Variants in STK4 observed in about 807,000 individuals in gnomAD.
STK4 encodes serine/threonine-protein kinase 4.
In STK4, 30 loss-of-function variants were observed where a neutral mutation model predicts 64.9. That is an observed-to-expected ratio of 0.46 (90% CI 0.35 to 0.63). The LOEUF is 0.63. Ranked by LOEUF, STK4 falls within the 20% of genes least tolerant of loss-of-function variation. The pLI, the probability that STK4 is intolerant of heterozygous loss-of-function variation, is 0.01. For missense variants in STK4, 466 were observed against 598.5 expected (o/e 0.78, Z 2.31); for synonymous variants, 177 against 199.0 (o/e 0.89, Z 0.93).
chr20:44,990,518 G>A (rs1303892873), intron 5 of STK4, among the ~76,000 whole-genome samples: 1 of 151,958 alleles, frequency 6.6e-6, no homozygotes, highest in Non-Finnish European at 1.5e-5. Context: ...TGGCTGTTTG[G>A]TTGTGAAACC....
intron 5 of STK4, among the ~76,000 whole-genome samples, chr20:44,991,048 G>C (rs1203740364): frequency 6.6e-6 from 1 of 151,902 alleles, no homozygotes; most frequent in Non-Finnish European, 1.5e-5. Context: ...TTTCCCCTTT[G>C]TTTTTTTATT....
intron 9 of STK4, among the ~76,000 whole-genome samples, chr20:45,006,080 G>T (rs1379832592): frequency 5.3e-5 from 8 of 150,222 alleles, no homozygotes; most frequent in African/African-American, 1.7e-4. Context: ...CTCTATGTTG[G>T]ATTTTTTTTT....
chr20:45,017,482 G>A (rs968519602), intron 9 of STK4, among the ~76,000 whole-genome samples: 2 of 152,178 alleles, frequency 1.3e-5, no homozygotes, highest in African/African-American at 4.8e-5. Context: ...TTACAGGCAG[G>A]TGCAAAGTCA....
rs2067838229 is a variant in STK4, at chr20:45,001,353, A to G, written c.1147A>G (p.Arg383Gly). Residue 383 changes from arginine to glycine, a missense_variant and splice_region_variant, in exon 9 of 11, where the codon AGA becomes GGA. Coordinates refer to ENST00000372806, the MANE Select transcript of STK4 (RefSeq NM_006282.5). ...EDEEEEGTMKRRDETMQPAKP... is the reference protein window; with the variant it reads ...EDEEEEGTMKGRDETMQPAKP... ...TGAGGAAGAGGAAGGAACTATGAAA[A>G]GTAAGGCTCTGAGTAAATTCACTGA... The G allele has an allele frequency of 2.5e-6, 4 of 1,605,562 alleles. No individual in the cohort carries two copies. The highest frequency in any genetic ancestry group is 3.4e-6 in the Non-Finnish European group (4 of 1,172,978).
rs71197599 is a variant in STK4 at position 45,062,989 on chromosome 20, CTTTTTTTTTTTTTTTTTTT to C, written c.1306-12017_1306-11999del. On this transcript the variant is annotated intron_variant, in intron 10 of 10. Coordinates refer to ENST00000372806, the MANE Select transcript of STK4 (RefSeq NM_006282.5). ...ACAGGTGTGAGCCACCGCACCCGGC[CTTTTTTTTTTTTTTTTTTT>C]TTTTTTTTTTTGGACACAGGGTCTT... 9.5e-5 allele frequency among the ~76,000 whole-genome samples: 3 copies of C among 31,452 alleles called. No homozygotes were observed. In the East Asian group the frequency reaches 2.1e-3, roughly 22 times the overall value. The allele number at this position is 31,452 out of a possible 152,430, so 20.6% of individuals were successfully genotyped here. A position where few individuals can be genotyped will look rare whatever the true frequency, so the allele number is the denominator to read the frequency against.
chr20:45,060,373 C>A lies in STK4; in HGVS notation c.1306-14645C>A, dbSNP rs141820174. ...ACTTGATATAACCAAACTTGCATTTCATTTTTAAAAGTTAAAATTCAGACC... is the reference window on the plus strand; with the variant it reads ...ACTTGATATAACCAAACTTGCATTTAATTTTTAAAAGTTAAAATTCAGACC... On this transcript the variant is annotated intron_variant, in intron 10 of 10. Coordinates refer to ENST00000372806, the MANE Select transcript of STK4 (RefSeq NM_006282.5). Among the ~76,000 whole-genome samples the A allele has an allele frequency of 2.6e-3, 390 of 152,330 alleles. 2 individuals carry two copies. The highest frequency in any genetic ancestry group is 8.9e-3 in the African/African-American group (368 of 41,570).
chr20:45,056,830 C>T (rs1457655548), intron 10 of STK4, among the ~76,000 whole-genome samples: 5 of 152,154 alleles, frequency 3.3e-5, no homozygotes, highest in Non-Finnish European at 7.3e-5. Flanking sequence ...AGGCTGAGGG[C>T]GTATATCCAA....
intron 4 of STK4, 71 bp from the exon 5 acceptor site, chr20:44,987,059 ATC>A: frequency 7.8e-7 from 1 of 1,275,186 alleles, no homozygotes; most frequent in South Asian, 1.5e-5. Context: ...AAAGGTTTGG[ATC>A]TGATTTTTTC....
intron 8 of STK4, 102 bp downstream of exon 8, chr20:45,000,622 C>G (rs2067820504): frequency 6.6e-7 from 1 of 1,511,842 alleles, no homozygotes; most frequent in Non-Finnish European, 9.0e-7. Context: ...CAACTTGGAG[C>G]TGGAGATGCT....
At chr20:44,992,892 C>T (rs1049988890) in intron 5 of STK4, among the ~76,000 whole-genome samples, 2 of 151,850 alleles carry the variant, frequency 1.3e-5, no homozygotes, top group Admixed American at 6.6e-5. Flanking sequence ...GACGGGATTT[C>T]GCTATGTTTC....
In STK4 at chr20:45,079,183, T is replaced by C. The variant is rs1980741661; in HGVS notation, c.*4007T>C. 6.6e-6 allele frequency: 1 copy of C among 152,060 alleles called. No homozygotes were observed. Among genetic ancestry groups the C allele is most frequent in the Admixed American group, 6.6e-5 (1 of 15,266 alleles). The allele number at this position is 152,060 out of a possible 1,614,324, so 9.4% of individuals were successfully genotyped here. On this transcript the variant is annotated 3_prime_UTR_variant, in exon 11 of 11. Coordinates refer to ENST00000372806, the MANE Select transcript of STK4 (RefSeq NM_006282.5). ...GTGAGCCATGGTCTCACCACTGCAC[T>C]CTAGCCTGGGTGACAGAATGAGACC...
At position 44,997,221 on chromosome 20, in the gene STK4, T is replaced by A; in HGVS notation, c.746T>A (p.Leu249Gln). Residue 249 changes from leucine (L) to glutamine (Q), a missense_variant, in exon 7 of 11, where the codon CTA (leucine) becomes CAA (glutamine). Transcript: ENST00000372806. ...CCTCCCACATTCCGAAAACCAGAGC[T>A]ATGGTCAGATAACTTTACAGATTTT... ...NPPPTFRKPE[L>Q]WSDNFTDFVK... The A allele has an allele frequency of 6.2e-7, 1 of 1,614,102 alleles. No homozygotes were observed. The highest frequency in any genetic ancestry group is 8.5e-7 in the Non-Finnish European group (1 of 1,179,946).
At chr20:45,015,082 G>A (rs2068117288) in intron 9 of STK4, among the ~76,000 whole-genome samples, 1 of 152,188 alleles carries the variant, frequency 6.6e-6, no homozygotes, top group Non-Finnish European at 1.5e-5. Flanking sequence ...TACTGAGATA[G>A]TATTTTGTGG....
chr20:44,970,243 AAAG>A (rs1160017011), intron 1 of STK4, among the ~76,000 whole-genome samples: 140 of 138,052 alleles, frequency 1.0e-3, no homozygotes, highest in African/African-American at 3.1e-3. Flanking sequence ...AATTAAAAAA[AAAG>A]AAAAAAAAAG....
At chr20:45,058,863 G>T (rs1007380523) in intron 10 of STK4, among the ~76,000 whole-genome samples, 7 of 152,158 alleles carry the variant, frequency 4.6e-5, no homozygotes, top group Non-Finnish European at 1.0e-4. Context: ...AACATCAAGA[G>T]CCTCGCATTC....
intron 6 of STK4, 92 bp from the exon 7 acceptor site, chr20:44,997,077 C>G: frequency 6.4e-7 from 1 of 1,566,708 alleles, no homozygotes; most frequent in Non-Finnish European, 8.7e-7. Context: ...AAATCATTTA[C>G]CAAGCTTCAA....
At chr20:45,032,819 CTCTTT>C (rs2068467545) in intron 10 of STK4, among the ~76,000 whole-genome samples, 1 of 152,096 alleles carries the variant, frequency 6.6e-6, no homozygotes. Flanking sequence ...AACAGTAATT[CTCTTT>C]TAAGTTCTTT....
chr20:44,971,665 C>CT (rs71197585), intron 1 of STK4, among the ~76,000 whole-genome samples: 2,818 of 90,420 alleles, frequency 0.031, 157 homozygotes, highest in African/African-American at 0.05. Context: ...AGCCACATGA[C>CT]TTTTTTTTTT....
At chr20:45,026,318 AGT>A (rs113148879) in intron 10 of STK4, among the ~76,000 whole-genome samples, 2,000 of 145,572 alleles carry the variant, frequency 0.014, 48 homozygotes, top group East Asian at 0.11. Context: ...AGACAGAAAG[AGT>A]GTGTGTGTGT....
Sources: gnomAD v4.1 joint callset for allele counts (sites outside exome capture counted in the v4.1 genomes callset) on GRCh38, gnomAD v4.1.1 for gene constraint, MANE v1.5 for transcripts, NCBI Gene and HGNC (gene_info 2026-07-23, HGNC 2026-07-21) for gene names.